The following MYH11 variants were observed in gnomAD, a reference collection of about 807,000 sequenced individuals.
The protein encoded by MYH11 is myosin heavy chain 11.
MYH11 carries 80 observed loss-of-function variants against 246.6 expected under a neutral mutation model. The observed-to-expected ratio is 0.32, with a 90% CI of 0.27 to 0.39. MYH11 has a LOEUF of 0.39. Among genes scored for constraint, MYH11 ranks in the 10% least tolerant of loss-of-function variants. The probability of loss-of-function intolerance (pLI) is 1.00; values close to 1 mark genes in which losing one functional copy is unlikely to be tolerated. For synonymous variants in MYH11, 1,071 were observed against 1,015.5 expected (o/e 1.05, Z -1.04); for missense variants, 2,158 against 2,546.8 (o/e 0.85, Z 3.29).
chr16:15,841,681 A>C (rs1043629402), intron 1 of MYH11, among the ~76,000 whole-genome samples: 4 of 152,192 alleles, frequency 2.6e-5, no homozygotes, highest in African/African-American at 9.7e-5. Flanking sequence ...CACACTCTAT[A>C]GGCCTGTCCG....
chr16:15,816,578 C>T (rs1043895412), intron 3 of MYH11, among the ~76,000 whole-genome samples: 1 of 152,084 alleles, frequency 6.6e-6, no homozygotes, highest in Non-Finnish European at 1.5e-5. Flanking sequence ...AAACTCTGAA[C>T]ACTGAGTTTG....
At chr16:15,809,304 G>A (rs2043086271) in intron 3 of MYH11, among the ~76,000 whole-genome samples, 1 of 152,192 alleles carries the variant, frequency 6.6e-6, no homozygotes, top group South Asian at 2.1e-4. Flanking sequence ...GACCGAGGCG[G>A]GAGGATTGCT....
chr16:15,789,657 C>T (rs1321352484), intron 4 of MYH11, among the ~76,000 whole-genome samples: 1 of 152,166 alleles, frequency 6.6e-6, no homozygotes, highest in Non-Finnish European at 1.5e-5. Context: ...TTACTTGCCC[C>T]AATCAATGAA....
chr16:15,757,877 T>C lies in MYH11; in HGVS notation c.1525A>G (p.Ile509Val), dbSNP rs1239094357. 7 of 1,614,188 alleles carry C rather than the reference T, an allele frequency of 4.3e-6. No individual in the cohort carries two copies. The highest frequency in any genetic ancestry group is 5.1e-6 in the Non-Finnish European group (6 of 1,180,040). ...GGCTGTAGGTCCAGCCCAAAGTCGA[T>C]GAAGTTCCACTCGATGCCCTCGCGC... Reference protein sequence around the residue: ...YQREGIEWNFIDFGLDLQPCI... With the variant: ...YQREGIEWNFVDFGLDLQPCI... Residue 509 changes from isoleucine to valine, a missense_variant, in exon 13 of 41, where the codon ATC (isoleucine) becomes GTC (valine). This residue lies in a region of MYH11 where 317 missense variants were observed against 507.7 expected (regional missense o/e 0.62). Transcript: ENST00000300036.
At chr16:15,824,538 C>A (rs2052254032) in intron 2 of MYH11, among the ~76,000 whole-genome samples, 1 of 152,194 alleles carries the variant, frequency 6.6e-6, no homozygotes, top group Non-Finnish European at 1.5e-5. Context: ...GTCTCAGCCT[C>A]CCAAAGTGCT....
intron 3 of MYH11, among the ~76,000 whole-genome samples, chr16:15,804,126 C>A (rs1471210290): frequency 1.3e-5 from 2 of 152,180 alleles, no homozygotes; most frequent in Non-Finnish European, 2.9e-5. Context: ...ATTTCTTCTG[C>A]CCAGTGCACC....
At chr16:15,710,452 C>A (rs1261161050) in intron 40 of MYH11, among the ~76,000 whole-genome samples, 1 of 152,060 alleles carries the variant, frequency 6.6e-6, no homozygotes, top group East Asian at 1.9e-4. Context: ...ACCTGGGAGG[C>A]AAAGGTTGCA....
intron 3 of MYH11, among the ~76,000 whole-genome samples, chr16:15,802,660 G>A (rs1200447027): frequency 6.6e-6 from 1 of 152,130 alleles, no homozygotes; most frequent in Non-Finnish European, 1.5e-5. Context: ...TGTTGCCCAG[G>A]CTGGTTTCAC....
At position 15,750,257 on chromosome 16, in the gene MYH11, T is replaced by C; in HGVS notation, c.1939A>G (p.Lys647Glu). The C allele has an allele frequency of 1.2e-6, 2 of 1,614,196 alleles. No individual in the cohort carries two copies. Among genetic ancestry groups the C allele is most frequent in the South Asian group, 2.2e-5 (2 of 91,090 alleles). The change falls in exon 16 of 41, where the codon AAG becomes GAG. Residue 647 changes from lysine (K) to glutamate (E), a missense_variant. Around this residue, in one of 11 missense-constraint regions of MYH11, gnomAD observed 317 missense variants for 507.7 expected, o/e 0.62. Coordinates refer to ENST00000300036, the MANE Select transcript of MYH11 (RefSeq NM_002474.3). This position sits in a 1 kb window ranked among gnomAD's most constrained non-coding sequence, Gnocchi z 4.3. ...TGCCCCACTGTGCGGAACATGCCCTTCTTGGTCTTGGAGGCGCTGGGCAGC... is the reference window on the plus strand; with the variant it reads ...TGCCCCACTGTGCGGAACATGCCCTCCTTGGTCTTGGAGGCGCTGGGCAGC... The part of the protein sequence containing the change: ...SSLPSASKTK[K>E]GMFRTVGQLY...
chr16:15,820,439 A>G (rs905673072), intron 3 of MYH11, among the ~76,000 whole-genome samples: 1 of 150,042 alleles, frequency 6.7e-6, no homozygotes. Flanking sequence ...ACACCATTGC[A>G]CTCCAACCTG....
chr16:15,718,178 C>T, intron 37 of MYH11, 137 bp downstream of exon 37: 2 of 1,402,666 alleles, frequency 1.4e-6, no homozygotes, highest in Non-Finnish European at 2.0e-6. Context: ...GATCTCTACT[C>T]TCAGGCCCCA....
chr16:15,828,157 C>T (rs1454750954), intron 2 of MYH11, among the ~76,000 whole-genome samples: 1 of 152,184 alleles, frequency 6.6e-6, no homozygotes, highest in Non-Finnish European at 1.5e-5. Flanking sequence ...GGGCAAGTCC[C>T]TTAACCTCTC....
At chr16:15,841,978 C>G (rs916424976) in intron 1 of MYH11, among the ~76,000 whole-genome samples, 3 of 152,238 alleles carry the variant, frequency 2.0e-5, no homozygotes, top group Non-Finnish European at 2.9e-5. Flanking sequence ...CAGCCAACTC[C>G]TGAAACCCAA....
rs571504063 is a variant in MYH11 at position 15,714,928 on chromosome 16, C to T, written c.5767G>A (p.Ala1923Thr). 4.5e-5 allele frequency: 73 copies of T among 1,613,976 alleles called. No homozygotes were observed. Among genetic ancestry groups the T allele is most frequent in the Admixed American group, 2.0e-4 (12 of 60,026 alleles). The stretch of plus-strand genomic sequence containing the variant: ...CCTCACCTGAGCTTGCTCTTGAGTG[C>T]GTTCACCTCGCGGCCCATGGCCTCG... ...SNEAMGREVN[A>T]LKSKLRRGNE... The change falls in exon 40 of 41, where the codon GCA (alanine) becomes ACA (threonine). Residue 1923 changes from alanine to threonine, a missense_variant. By Grantham distance (58) the Ala-to-Thr change is moderately conservative. This residue lies in a region of MYH11 where 1,013 missense variants were observed against 993.5 expected (regional missense o/e 1.02). Coordinates refer to ENST00000300036, the MANE Select transcript of MYH11 (RefSeq NM_002474.3).
At chr16:15,769,239 C>T (rs2042047221) in intron 9 of MYH11, among the ~76,000 whole-genome samples, 1 of 152,194 alleles carries the variant, frequency 6.6e-6, no homozygotes, top group African/African-American at 2.4e-5. Context: ...TTGCTTGAAC[C>T]CAGGAGGCAG....
chr16:15,728,397 T>C (rs1184124880), intron 27 of MYH11, among the ~76,000 whole-genome samples: 1 of 152,158 alleles, frequency 6.6e-6, no homozygotes, highest in East Asian at 1.9e-4. Flanking sequence ...CAACGAAAGA[T>C]CTGGAAACAG....
In MYH11 at chr16:15,719,742, C is replaced by G. The variant is rs779538756; in HGVS notation, c.4954-29G>C. The G allele has an allele frequency of 3.1e-6, 5 of 1,613,706 alleles. No individual in the cohort carries two copies. The African/African-American group carries it at 5.3e-5, about 17-fold the overall frequency. ...CATGAGTCAACAGGGAGGACAAGCT[C>G]AGATGTCCTTACTCCCCCAAGTTCT... On this transcript the variant is annotated intron_variant, in intron 34 of 40. Coordinates refer to ENST00000300036, the MANE Select transcript of MYH11 (RefSeq NM_002474.3).
At chr16:15,841,660 G>A (rs1012179150) in intron 1 of MYH11, among the ~76,000 whole-genome samples, 1 of 152,134 alleles carries the variant, frequency 6.6e-6, no homozygotes, top group Non-Finnish European at 1.5e-5. Flanking sequence ...TGAGGAGAGG[G>A]ACAGAGACAA....
At chr16:15,804,636 C>T (rs2042968035) in intron 3 of MYH11, among the ~76,000 whole-genome samples, 1 of 152,058 alleles carries the variant, frequency 6.6e-6, no homozygotes, top group South Asian at 2.1e-4. Flanking sequence ...ATTCTGTCAC[C>T]CCCAAATGAA....
Sources: allele counts gnomAD v4.1 joint callset (sites outside exome capture counted in the v4.1 genomes callset), GRCh38; gene constraint gnomAD v4.1.1; regional missense constraint gnomAD v4.1.1; non-coding constraint Gnocchi (gnomAD v3.1); transcripts MANE v1.5; gene names NCBI Gene and HGNC (gene_info 2026-07-23, HGNC 2026-07-21).